HDGFL3: variants seen among roughly 807,000 people sequenced by gnomAD.
HDGFL3 encodes hepatoma-derived growth factor-related protein 3.
HDGFL3 carries 6 observed loss-of-function variants against 27.6 expected under a neutral mutation model. The observed-to-expected ratio is 0.22, with a 90% confidence interval of 0.12 to 0.43. The LOEUF is 0.43. HDGFL3 is among the 20% of genes least tolerant of loss of function. The pLI is 1.00. For missense variants in HDGFL3, 207 were observed against 250.1 expected (o/e 0.83, Z 1.16); for synonymous variants, 88 against 88.9 (o/e 0.99, Z 0.05).
chr15:83,196,269 C>T (rs1384099020), intron 1 of HDGFL3, among the ~76,000 whole-genome samples: 1 of 151,760 alleles, frequency 6.6e-6, no homozygotes, highest in Non-Finnish European at 1.5e-5. Context: ...AGTCAATATA[C>T]TTATTGACTC....
intron 1 of HDGFL3, among the ~76,000 whole-genome samples, chr15:83,188,044 A>G (rs550578523): frequency 6.6e-6 from 1 of 152,308 alleles, no homozygotes; most frequent in Non-Finnish European, 1.5e-5. Context: ...TATTTTTTAA[A>G]GGCTATAATA....
At chr15:83,203,078 G>T (rs2037668923) in intron 1 of HDGFL3, among the ~76,000 whole-genome samples, 1 of 152,054 alleles carries the variant, frequency 6.6e-6, no homozygotes, top group Non-Finnish European at 1.5e-5. Context: ...GTTTTCTTAA[G>T]TAACTATCAA....
At chr15:83,142,435 G>A (rs2036791864) in intron 5 of HDGFL3, among the ~76,000 whole-genome samples, 1 of 152,106 alleles carries the variant, frequency 6.6e-6, no homozygotes, top group South Asian at 2.1e-4. Context: ...CAGAAAACCA[G>A]ATACCGCGTG....
chr15:83,188,794 T>C (rs904880394), intron 1 of HDGFL3, among the ~76,000 whole-genome samples: 16 of 152,286 alleles, frequency 1.1e-4, no homozygotes, highest in Admixed American at 2.6e-4. Context: ...ATGCCACCTG[T>C]ATGTTGATGA....
rs1013466432 is a variant in HDGFL3, at chr15:83,138,054, T to C, written c.*1216A>G. Reference sequence around the variant, plus strand: ...AAACCCTCACCTGCACTTGATTCTATTGTCAGCTTGCTGTGAACAATTTTT... The same window carrying C: ...AAACCCTCACCTGCACTTGATTCTACTGTCAGCTTGCTGTGAACAATTTTT... On this transcript the variant is annotated 3_prime_UTR_variant, in exon 6 of 6. Transcript: ENST00000299633. 3 of 152,446 alleles carry C rather than the reference T, an allele frequency of 2.0e-5. No individual in the cohort carries two copies. Among genetic ancestry groups the C allele is most frequent in the Non-Finnish European group, 2.9e-5 (2 of 67,942 alleles). The allele number at this position is 152,446 out of a possible 1,614,324, so 9.4% of individuals were successfully genotyped here.
At chr15:83,157,767 C>T in intron 3 of HDGFL3, 136 bp downstream of exon 3, 1 of 981,664 alleles carries the variant, frequency 1.0e-6, no homozygotes, top group Non-Finnish European at 1.6e-6. Context: ...TACATTTAAT[C>T]CAAAATGCTA....
intron 1 of HDGFL3, among the ~76,000 whole-genome samples, chr15:83,180,036 GA>G (rs1330728645): frequency 6.6e-6 from 1 of 151,818 alleles, no homozygotes; most frequent in Non-Finnish European, 1.5e-5. Context: ...GTGGTGGGTG[GA>G]AATCCAAGAC....
At chr15:83,199,234 A>C (rs1471504029) in intron 1 of HDGFL3, among the ~76,000 whole-genome samples, 1 of 152,168 alleles carries the variant, frequency 6.6e-6, no homozygotes, top group Non-Finnish European at 1.5e-5. Context: ...GTAACTCTAA[A>C]AGCATTAACT....
intron 1 of HDGFL3, among the ~76,000 whole-genome samples, chr15:83,200,447 A>AT (rs2037631199): frequency 1.3e-5 from 2 of 152,196 alleles, no homozygotes; most frequent in African/African-American, 2.4e-5. Context: ...CACTATTATA[A>AT]AGCCACAAAG....
chr15:83,123,054 GTCTGTT>G (rs2035420780), downstream of HDGFL3, among the ~76,000 whole-genome samples: 1 of 152,190 alleles, frequency 6.6e-6, no homozygotes, highest in Admixed American at 6.5e-5. Flanking sequence ...AGGCAAGAAG[GTCTGTT>G]TCTGTCTGAA....
chr15:83,151,073 G>T, intron 5 of HDGFL3, 142 bp downstream of exon 5: 1 of 679,338 alleles, frequency 1.5e-6, no homozygotes, highest in African/African-American at 1.8e-5. Flanking sequence ...TTATATTAAA[G>T]GGCTGAGTGG....
chr15:83,206,585 T>C (rs1018295493), intron 1 of HDGFL3, among the ~76,000 whole-genome samples: 2 of 152,212 alleles, frequency 1.3e-5, no homozygotes, highest in Non-Finnish European at 2.9e-5. Context: ...TATTGTGGAC[T>C]GTAGCAGGAG....
At chr15:83,122,978 A>G, downstream of HDGFL3, 2 of 1,366,448 alleles carry the variant, frequency 1.5e-6, no homozygotes, top group East Asian at 2.3e-5. Flanking sequence ...GGACTGGAGC[A>G]TTTGGGGCAT....
At chr15:83,190,514 T>C (rs1317741356) in intron 1 of HDGFL3, among the ~76,000 whole-genome samples, 2 of 152,236 alleles carry the variant, frequency 1.3e-5, no homozygotes, top group African/African-American at 2.4e-5. Flanking sequence ...ATATTGATCT[T>C]ACTTTGCATT....
intron 2 of HDGFL3, among the ~76,000 whole-genome samples, chr15:83,160,735 G>A (rs1320152554): frequency 2.0e-5 from 3 of 152,112 alleles, no homozygotes; most frequent in Non-Finnish European, 4.4e-5. Context: ...GCTTTCAGAC[G>A]AGAGGTTAAC....
Position 83,128,795 on chromosome 15 carries a change from C to G in HDGFL3, c.*10475G>C, listed in dbSNP as rs1177007581. 1 of 152,140 alleles carries G rather than the reference C, an allele frequency of 6.6e-6. No individual in the cohort carries two copies. The highest frequency in any genetic ancestry group is 1.5e-5 in the Non-Finnish European group (1 of 68,042). The allele number at this position is 152,140 out of a possible 1,614,324, so 9.4% of individuals were successfully genotyped here. On this transcript the variant is annotated 3_prime_UTR_variant, in exon 6 of 6. Coordinates refer to ENST00000299633, the MANE Select transcript of HDGFL3 (RefSeq NM_016073.4). ...CAGAAACTTGGAGTAATTATTTACA[C>G]TCCTCATCCTCTACATCTAGACCAC...
chr15:83,150,707 A>T (rs371335284), intron 5 of HDGFL3, among the ~76,000 whole-genome samples: 2 of 152,362 alleles, frequency 1.3e-5, no homozygotes, highest in African/African-American at 4.8e-5. Context: ...ACAAAGGTTA[A>T]CAAAAGTTAT....
Position 83,184,647 on chromosome 15 carries a change from G to C in HDGFL3, c.85-20572C>G, listed in dbSNP as rs186049549. 6 of 152,114 alleles carry C rather than the reference G, an allele frequency of 3.9e-5. No homozygotes were observed. In the South Asian group the frequency reaches 8.3e-4, roughly 21 times the overall value. 9.4% of individuals were successfully genotyped at this position (152,114 alleles called of 1,614,324 possible). Reference sequence around the variant, plus strand: ...AATCTTTCCTCCGTCTTCTCTACTAGGTTCCACTGTTTGGTTTAATATATT... The same window carrying C: ...AATCTTTCCTCCGTCTTCTCTACTACGTTCCACTGTTTGGTTTAATATATT... On this transcript the variant is annotated intron_variant, in intron 1 of 5. Transcript: ENST00000299633.
At chr15:83,165,450 T>C (rs755908814) in intron 1 of HDGFL3, among the ~76,000 whole-genome samples, 2 of 152,092 alleles carry the variant, frequency 1.3e-5, no homozygotes, top group Non-Finnish European at 2.9e-5. Flanking sequence ...TTGTTAACTG[T>C]TATTATTAGC....
Sources: allele counts gnomAD v4.1 joint callset (sites outside exome capture counted in the v4.1 genomes callset), GRCh38; gene constraint gnomAD v4.1.1; transcripts MANE v1.5; gene names NCBI Gene and HGNC (gene_info 2026-07-23, HGNC 2026-07-21).